EPHA5: variants seen among roughly 807,000 people sequenced by gnomAD.
The protein encoded by EPHA5 is EPH receptor A5.
In EPHA5, 60 loss-of-function variants were observed where a neutral mutation model predicts 105.0. The ratio of observed to expected loss-of-function variants is 0.57; its 90% confidence interval spans 0.46 to 0.71. EPHA5 has a LOEUF of 0.71. EPHA5 is among the 30% of genes least tolerant of loss of function. The pLI is 0.00. For synonymous variants in EPHA5, 513 were observed against 449.1 expected (o/e 1.14, Z -1.80); for missense variants, 1,218 against 1,274.7 (o/e 0.96, Z 0.68).
intron 7 of EPHA5, 71 bp downstream of exon 7, chr4:65,414,213 G>A (rs2149017868): frequency 2.2e-6 from 3 of 1,348,960 alleles, no homozygotes; most frequent in Non-Finnish European, 3.2e-6. Flanking sequence ...CCCAGGGAGG[G>A]TATTGATCCA....
At chr4:65,590,991 G>A (rs1368020195) in intron 3 of EPHA5, among the ~76,000 whole-genome samples, 1 of 151,988 alleles carries the variant, frequency 6.6e-6, no homozygotes, top group Non-Finnish European at 1.5e-5. Context: ...AAATATGGTG[G>A]TTGTGTGATA....
intron 6 of EPHA5, among the ~76,000 whole-genome samples, chr4:65,416,489 AAGT>A (rs1370596901): frequency 7.8e-6 from 1 of 128,692 alleles, no homozygotes; most frequent in Non-Finnish European, 1.7e-5. Flanking sequence ...CCCCATTGAA[AAGT>A]AAAAAACGAA....
At chr4:65,616,330 A>G (rs1745234299) in intron 2 of EPHA5, among the ~76,000 whole-genome samples, 1 of 151,822 alleles carries the variant, frequency 6.6e-6, no homozygotes, top group Admixed American at 6.6e-5. Flanking sequence ...TCATAAAAGG[A>G]TGACATGAAA....
At chr4:65,533,445 A>G (rs1736011055) in intron 3 of EPHA5, among the ~76,000 whole-genome samples, 1 of 152,140 alleles carries the variant, frequency 6.6e-6, no homozygotes, top group African/African-American at 2.4e-5. Context: ...AGTGACACAC[A>G]AAAATGGAAG....
In EPHA5 at chr4:65,544,074, C is replaced by A. The variant is rs558539925; in HGVS notation, c.911-48531G>T. The stretch of plus-strand genomic sequence containing the variant: ...TTTACACACCTTATACAAAAGTTAA[C>A]TCAAGATGGATTAAATACTTAAATG... On this transcript the variant is annotated intron_variant, in intron 3 of 16. Transcript: ENST00000613740. 9.2e-5 allele frequency among the ~76,000 whole-genome samples: 14 copies of A among 151,894 alleles called. No homozygotes were observed. In the South Asian group the frequency reaches 2.9e-3, roughly 32 times the overall value.
chr4:65,415,745 A>G (rs1005130182), intron 6 of EPHA5, among the ~76,000 whole-genome samples: 1 of 152,080 alleles, frequency 6.6e-6, no homozygotes, highest in African/African-American at 2.4e-5. Context: ...TAAATCTTGT[A>G]AAACTTTACC....
intron 16 of EPHA5, among the ~76,000 whole-genome samples, chr4:65,329,160 T>C (rs1483692712): frequency 2.0e-5 from 3 of 151,364 alleles, no homozygotes; most frequent in Non-Finnish European, 4.4e-5. Context: ...CTGTTGACAA[T>C]AACCCACTGC....
rs772501509 is a variant in EPHA5, at chr4:65,669,553, T to C, written c.181+9A>G. On this transcript the variant is annotated intron_variant, in intron 1 of 16. Coordinates refer to ENST00000613740, the MANE Select transcript of EPHA5 (RefSeq NM_001281766.3). ...CAGGTCGCCACGGTCCCCACCCCCA[T>C]CTCCCTACCTTCGTTGCTGGGGCTG... The C allele has an allele frequency of 7.2e-7, 1 of 1,380,452 alleles. No individual in the cohort carries two copies. Among genetic ancestry groups the C allele is most frequent in the Non-Finnish European group, 9.4e-7 (1 of 1,060,770 alleles). The allele number at this position is 1,380,452 out of a possible 1,614,324, so 85.5% of individuals were successfully genotyped here.
intron 3 of EPHA5, among the ~76,000 whole-genome samples, chr4:65,541,362 T>A (rs116432257): frequency 6.6e-6 from 1 of 151,728 alleles, no homozygotes; most frequent in African/African-American, 2.4e-5. Flanking sequence ...ACCCAACTCA[T>A]GTGCAAAGTC....
chr4:65,375,289 AT>A (rs891736246), intron 8 of EPHA5, among the ~76,000 whole-genome samples: 18 of 150,000 alleles, frequency 1.2e-4, no homozygotes, highest in East Asian at 2.0e-4. Flanking sequence ...AATCTTTTTT[AT>A]TTTTTTTTCA....
chr4:65,572,839 T>G (rs1229089516), intron 3 of EPHA5, among the ~76,000 whole-genome samples: 1 of 151,012 alleles, frequency 6.6e-6, no homozygotes, highest in African/African-American at 2.4e-5. Flanking sequence ...GAGACCAGCC[T>G]GGCCAACATA....
intron 5 of EPHA5, among the ~76,000 whole-genome samples, chr4:65,481,679 T>A (rs1035134307): frequency 6.6e-6 from 1 of 152,206 alleles, no homozygotes; most frequent in Non-Finnish European, 1.5e-5. Context: ...TTCTTGAATA[T>A]GAGACTTGCA....
chr4:65,441,467 A>G (rs1179636816), intron 5 of EPHA5, among the ~76,000 whole-genome samples: 2 of 152,090 alleles, frequency 1.3e-5, no homozygotes, highest in Non-Finnish European at 2.9e-5. Context: ...CTTTACCACT[A>G]GTTAAATATA....
intron 1 of EPHA5, among the ~76,000 whole-genome samples, chr4:65,666,787 G>A (rs1045260406): frequency 1.3e-5 from 2 of 152,098 alleles, no homozygotes; most frequent in Non-Finnish European, 2.9e-5. Context: ...ATTCAAACAT[G>A]CCAAATAAAC....
chr4:65,574,669 C>CACAT (rs1560717628), intron 3 of EPHA5, among the ~76,000 whole-genome samples: 10 of 29,792 alleles, frequency 3.4e-4, no homozygotes, highest in Non-Finnish European at 6.2e-4. Context: ...TATATATACA[C>CACAT]ATATATATAC....
chr4:65,454,288 AATAAAT>A (rs1392179200), intron 5 of EPHA5, among the ~76,000 whole-genome samples: 2 of 141,472 alleles, frequency 1.4e-5, no homozygotes, highest in African/African-American at 2.5e-5. Flanking sequence ...CTCTAATAAT[AATAAAT>A]AATAATAATA....
chr4:65,596,771 A>C, intron 3 of EPHA5, among the ~76,000 whole-genome samples: 1 of 152,132 alleles, frequency 6.6e-6, no homozygotes, highest in Non-Finnish European at 1.5e-5. Flanking sequence ...ATTTGTTCAA[A>C]TTTTGAAATT....
intron 8 of EPHA5, among the ~76,000 whole-genome samples, chr4:65,403,139 T>C (rs1372730385): frequency 6.6e-6 from 1 of 152,160 alleles, no homozygotes; most frequent in Non-Finnish European, 1.5e-5. Context: ...CCAGAAGTAA[T>C]AGAATTTTCA....
intron 5 of EPHA5, among the ~76,000 whole-genome samples, chr4:65,460,959 C>T (rs1019138284): frequency 5.3e-5 from 8 of 151,762 alleles, no homozygotes; most frequent in Non-Finnish European, 8.9e-5. Flanking sequence ...CATCAAATTG[C>T]TATTAGTGTC....
Sources: allele counts gnomAD v4.1 joint callset (sites outside exome capture counted in the v4.1 genomes callset), GRCh38; gene constraint gnomAD v4.1.1; transcripts MANE v1.5; gene names NCBI Gene and HGNC (gene_info 2026-07-23, HGNC 2026-07-21).